Variants in MOSMO observed in about 807,000 individuals in gnomAD.
MOSMO encodes modulator of smoothened protein.
In MOSMO, 5 loss-of-function variants were observed where a neutral mutation model predicts 18.4. The observed-to-expected ratio is 0.27, with a 90% confidence interval of 0.14 to 0.57. The LOEUF is 0.57. Ranked by LOEUF, MOSMO falls within the 20% of genes least tolerant of loss-of-function variation. The pLI is 0.92. For missense variants in MOSMO, 138 were observed against 211.8 expected, an observed-to-expected ratio of 0.65 and a Z score of 2.16; for synonymous variants, 82 against 82.3, an observed-to-expected ratio of 1.00 and a Z score of 0.02.
intron 1 of MOSMO, among the ~76,000 whole-genome samples, chr16:22,013,115 G>A (rs1318601515): frequency 6.6e-6 from 1 of 152,168 alleles, no homozygotes; most frequent in Non-Finnish European, 1.5e-5. Flanking sequence ...AACACCAATA[G>A]GAATATCTTT....
At chr16:22,050,389 GT>G in intron 1 of MOSMO, among the ~76,000 whole-genome samples, 1 of 152,300 alleles carries the variant, frequency 6.6e-6, no homozygotes, top group African/African-American at 2.4e-5. Context: ...AGGTAAACCT[GT>G]TTCTAGAGCA....
chr16:22,057,107 T>TAG lies in MOSMO; in HGVS notation c.107-18365_107-18364dup, dbSNP rs547993949. On this transcript the variant is annotated intron_variant, in intron 1 of 2. Coordinates refer to ENST00000542527, the MANE Select transcript of MOSMO (RefSeq NM_001164579.2). ...TCGACTATTCTCTAACTTAGTATTT[T>TAG]AGAGAGAGAGAGAGAGTATAATGTG... Among the ~76,000 whole-genome samples, 531 of 151,722 alleles carry TAG rather than the reference T, an allele frequency of 3.5e-3. 4 individuals are homozygous for TAG. The highest frequency in any genetic ancestry group is 7.1e-3 in the South Asian group (34 of 4,798).
Position 22,082,626 on chromosome 16 carries a change from T to C in MOSMO, c.*1746T>C, listed in dbSNP as rs1266551647. 1 of 152,216 alleles carries C rather than the reference T, an allele frequency of 6.6e-6. No homozygotes were observed. The highest frequency in any genetic ancestry group is 2.4e-5 in the African/African-American group (1 of 41,454). The allele number at this position is 152,216 out of a possible 1,614,324, so 9.4% of individuals were successfully genotyped here. The stretch of plus-strand genomic sequence containing the variant: ...TAAGGCTAGATTATCAGTTCTAGAA[T>C]GATTACTTCAAAGATGGGAGCTACC... On this transcript the variant is annotated 3_prime_UTR_variant, in exon 3 of 3. Transcript: ENST00000542527.
chr16:22,014,436 G>T (rs1456065779), intron 1 of MOSMO, among the ~76,000 whole-genome samples: 1 of 152,168 alleles, frequency 6.6e-6, no homozygotes, highest in African/African-American at 2.4e-5. Context: ...GTTCAGGGAA[G>T]TGAAAGCCTT....
At chr16:22,042,205 G>A (rs2141732073) in intron 1 of MOSMO, among the ~76,000 whole-genome samples, 1 of 152,236 alleles carries the variant, frequency 6.6e-6, no homozygotes, top group East Asian at 1.9e-4. Context: ...AGCTGCTCTG[G>A]GGGCTGCAAC....
At position 22,082,869 on chromosome 16, in the gene MOSMO, AAAG is replaced by A. The variant is rs1337471869; in HGVS notation, c.*1992_*1994del. On this transcript the variant is annotated 3_prime_UTR_variant, in exon 3 of 3. Coordinates refer to ENST00000542527, the MANE Select transcript of MOSMO (RefSeq NM_001164579.2). ...TGTCATACTTTTCCTTCCCAGAGTA[AAAG>A]AAACCTTTGGGAGATCCTGAGGGAG... is the stretch of plus-strand genomic sequence containing the variant. 1.3e-5 allele frequency: 2 copies of A among 152,292 alleles called. No individual in the cohort carries two copies. The highest frequency in any genetic ancestry group is 3.4e-3 in the Middle Eastern group (1 of 294). 9.4% of individuals were successfully genotyped at this position (152,292 alleles called of 1,614,324 possible). A position where few individuals can be genotyped will look rare whatever the true frequency, so the allele number is the denominator to read the frequency against.
At chr16:22,024,326 T>C (rs1332068388) in intron 1 of MOSMO, among the ~76,000 whole-genome samples, 3 of 151,996 alleles carry the variant, frequency 2.0e-5, no homozygotes, top group African/African-American at 7.2e-5. Flanking sequence ...TTTACAAATA[T>C]GTATAGGAGA....
chr16:22,085,651 GAGA>G (rs1901158657), downstream of MOSMO: 1 of 152,134 alleles, frequency 6.6e-6, no homozygotes, highest in Non-Finnish European at 1.5e-5. Context: ...TAGCCACTAT[GAGA>G]AGATTATAGG....
chr16:22,032,205 T>A lies in MOSMO; in HGVS notation c.106+23798T>A, dbSNP rs535771622. The stretch of plus-strand genomic sequence containing the variant: ...ACCCTTTTCTTTTTTTTTTTTTTTT[T>A]TGGTGAGAGATTCTCACTCTGTCAC... On this transcript the variant is annotated intron_variant, in intron 1 of 2. Coordinates refer to ENST00000542527, the MANE Select transcript of MOSMO (RefSeq NM_001164579.2). 1.5e-4 allele frequency among the ~76,000 whole-genome samples: 22 copies of A among 150,998 alleles called. No homozygotes were observed. In the South Asian group the frequency reaches 4.4e-3, roughly 30 times the overall value.
intron 1 of MOSMO, among the ~76,000 whole-genome samples, chr16:22,059,317 A>G (rs1900598756): frequency 6.6e-6 from 1 of 152,116 alleles, no homozygotes; most frequent in African/African-American, 2.4e-5. Context: ...AGGAAGGTTG[A>G]ATTCTCCTTG....
intron 2 of MOSMO, among the ~76,000 whole-genome samples, chr16:22,079,225 GT>G (rs971031887): frequency 2.0e-5 from 3 of 152,178 alleles, no homozygotes; most frequent in Admixed American, 1.3e-4. Flanking sequence ...CCAGGACTCT[GT>G]TAGTATTGCT....
At chr16:22,079,847 A>C (rs1901042394) in intron 2 of MOSMO, among the ~76,000 whole-genome samples, 6 of 152,144 alleles carry the variant, frequency 3.9e-5, no homozygotes, top group Admixed American at 3.9e-4. Context: ...GCAGTGGCAC[A>C]ATCTTGGCTC....
downstream of MOSMO, among the ~76,000 whole-genome samples, chr16:22,088,299 C>T (rs1395434697): frequency 6.6e-6 from 1 of 152,200 alleles, no homozygotes; most frequent in Non-Finnish European, 1.5e-5. Context: ...AGCCACCATG[C>T]ATGCCCTGTG....
chr16:22,016,246 CA>C, intron 1 of MOSMO, among the ~76,000 whole-genome samples: 1 of 152,196 alleles, frequency 6.6e-6, no homozygotes, highest in East Asian at 1.9e-4. Context: ...AAAATGGAGA[CA>C]ATACATTTAC....
chr16:22,037,995 TGAAAG>T (rs1414885665), intron 1 of MOSMO, among the ~76,000 whole-genome samples: 5 of 152,198 alleles, frequency 3.3e-5, no homozygotes, highest in Admixed American at 2.0e-4. Context: ...AAGGTGGGAC[TGAAAG>T]TCCCAGTCTT....
intron 1 of MOSMO, 55 bp downstream of exon 1, chr16:22,008,462 G>A: frequency 7.8e-7 from 1 of 1,281,596 alleles, no homozygotes; most frequent in Non-Finnish European, 1.1e-6. Context: ...CGACGCGAGA[G>A]AGGGGAGACC....
At chr16:22,086,688 T>C (rs1901187702), downstream of MOSMO, among the ~76,000 whole-genome samples, 1 of 152,176 alleles carries the variant, frequency 6.6e-6, no homozygotes, top group African/African-American at 2.4e-5. Flanking sequence ...TTAAAGGAGA[T>C]AAAGTTCCAA....
intron 1 of MOSMO, among the ~76,000 whole-genome samples, chr16:22,053,966 G>T (rs962759566): frequency 1.3e-5 from 2 of 152,186 alleles, no homozygotes; most frequent in Non-Finnish European, 2.9e-5. Context: ...TTAAAAATGT[G>T]TGTATAGAGA....
At chr16:22,051,600 T>A (rs1173013404) in intron 1 of MOSMO, among the ~76,000 whole-genome samples, 1 of 152,138 alleles carries the variant, frequency 6.6e-6, no homozygotes, top group Non-Finnish European at 1.5e-5. Context: ...ACCCTACACA[T>A]CTCTTCATCT....
Sources: allele counts gnomAD v4.1 joint callset (sites outside exome capture counted in the v4.1 genomes callset), GRCh38; gene constraint gnomAD v4.1.1; transcripts MANE v1.5; gene names NCBI Gene and HGNC (gene_info 2026-07-23, HGNC 2026-07-21).